Variants in CHCHD6 observed in about 807,000 individuals in gnomAD.
CHCHD6 encodes the protein MICOS complex subunit MIC25.
In CHCHD6, 28 loss-of-function variants were observed where a neutral mutation model predicts 32.3. The ratio of observed to expected loss-of-function variants is 0.87; its 90% CI spans 0.64 to 1.19. The LOEUF is 1.19. Ranked by LOEUF, CHCHD6 falls within the 50% of genes most tolerant of loss-of-function variation. The probability of loss-of-function intolerance (pLI) is 0.00; values close to 1 mark genes in which losing one functional copy is unlikely to be tolerated. For missense variants in CHCHD6, 333 were observed against 307.0 expected (o/e 1.08, Z -0.63); for synonymous variants, 122 against 117.5 (o/e 1.04, Z -0.25).
At chr3:126,761,442 C>T (rs1937159371) in intron 4 of CHCHD6, among the ~76,000 whole-genome samples, 1 of 152,164 alleles carries the variant, frequency 6.6e-6, no homozygotes. Flanking sequence ...CTAATTACAT[C>T]TGTAAAGAAT....
At chr3:126,731,431 G>T (rs1292598084) in intron 3 of CHCHD6, among the ~76,000 whole-genome samples, 1 of 152,214 alleles carries the variant, frequency 6.6e-6, no homozygotes, top group African/African-American at 2.4e-5. Context: ...TACTAGTTAT[G>T]TGAACTTGAA....
intron 5 of CHCHD6, among the ~76,000 whole-genome samples, chr3:126,858,633 G>A (rs1339941955): frequency 6.6e-6 from 1 of 152,206 alleles, no homozygotes; most frequent in African/African-American, 2.4e-5. Context: ...TCGTGTGACT[G>A]GAGGACAGAC....
At chr3:126,718,728 C>T (rs1935139405) in intron 1 of CHCHD6, among the ~76,000 whole-genome samples, 1 of 152,228 alleles carries the variant, frequency 6.6e-6, no homozygotes, top group Non-Finnish European at 1.5e-5. Context: ...GACCTCCTGG[C>T]CAGCTCTGAT....
At chr3:126,790,317 C>T (rs545305932) in intron 4 of CHCHD6, among the ~76,000 whole-genome samples, 3 of 152,132 alleles carry the variant, frequency 2.0e-5, no homozygotes, top group South Asian at 2.1e-4. Context: ...TTGCTCTTCT[C>T]GAGGAGTATC....
At position 126,933,671 on chromosome 3, in the gene CHCHD6, G is replaced by A. The variant is rs557832406; in HGVS notation, c.566+18921G>A. Among the ~76,000 whole-genome samples the A allele has an allele frequency of 3.3e-5, 5 of 152,128 alleles. No individual in the cohort carries two copies. The East Asian group carries it at 7.7e-4, about 24-fold the overall frequency. On this transcript the variant is annotated intron_variant, in intron 6 of 7. Transcript: ENST00000290913. ...CACCAAGCCATTCATGAGGGACCCC[G>A]ACCCCTATGACCCAGACACCTCCCA...
chr3:126,903,452 C>G (rs1156271172), intron 5 of CHCHD6, among the ~76,000 whole-genome samples: 1 of 152,132 alleles, frequency 6.6e-6, no homozygotes, highest in Non-Finnish European at 1.5e-5. Flanking sequence ...GCAATCCACA[C>G]CATCAAGACC....
chr3:126,937,764 G>C (rs899742877), intron 6 of CHCHD6, among the ~76,000 whole-genome samples: 2 of 152,190 alleles, frequency 1.3e-5, no homozygotes, highest in African/African-American at 4.8e-5. Context: ...GCTGACCACA[G>C]CAGGCATGTA....
intron 5 of CHCHD6, among the ~76,000 whole-genome samples, chr3:126,868,483 C>T (rs2077419203): frequency 6.6e-6 from 1 of 151,550 alleles, no homozygotes; most frequent in South Asian, 2.1e-4. Flanking sequence ...TCTTAAGTAA[C>T]ACATGTTCAT....
At chr3:126,865,020 CACT>C (rs1942217686) in intron 5 of CHCHD6, among the ~76,000 whole-genome samples, 3 of 146,022 alleles carry the variant, frequency 2.1e-5, no homozygotes, top group Admixed American at 6.8e-5. Flanking sequence ...CCACCACCAC[CACT>C]ACCTCTACTA....
chr3:126,814,650 G>A (rs1939799143), intron 4 of CHCHD6, among the ~76,000 whole-genome samples: 2 of 152,208 alleles, frequency 1.3e-5, no homozygotes, highest in South Asian at 2.1e-4. Context: ...TACGCCCAGG[G>A]AGGACACAGA....
intron 5 of CHCHD6, among the ~76,000 whole-genome samples, chr3:126,858,952 C>T (rs891833031): frequency 2.0e-5 from 3 of 152,192 alleles, no homozygotes; most frequent in African/African-American, 4.8e-5. Flanking sequence ...GTCTGTCCCC[C>T]GCTGAGGTTT....
chr3:126,833,562 A>G (rs1261530340), intron 4 of CHCHD6, among the ~76,000 whole-genome samples: 1 of 152,212 alleles, frequency 6.6e-6, no homozygotes, highest in East Asian at 1.9e-4. Context: ...GGGCTTCGCA[A>G]CTATGTAGAC....
rs150294008 is a variant in CHCHD6 at position 126,829,215 on chromosome 3, T to C, written c.412-23432T>C. On this transcript the variant is annotated intron_variant, in intron 4 of 7. Transcript: ENST00000290913. ...GCCAGAGATTAGGGCAGAGTTTCTA[T>C]GCAGGTTGTGGAACTCTCCTTTCTG... Among the ~76,000 whole-genome samples the C allele has an allele frequency of 4.3e-4, 66 of 152,262 alleles. 1 individual carries two copies. Among genetic ancestry groups the C allele is most frequent in the African/African-American group, 1.2e-3 (48 of 41,574 alleles).
At chr3:126,738,611 C>T (rs1252594720) in intron 4 of CHCHD6, among the ~76,000 whole-genome samples, 1 of 152,100 alleles carries the variant, frequency 6.6e-6, no homozygotes. Flanking sequence ...GATTAAATGG[C>T]AGATCTTGAG....
chr3:126,910,282 A>AAAAC (rs2078069971), intron 5 of CHCHD6, among the ~76,000 whole-genome samples: 1 of 151,494 alleles, frequency 6.6e-6, no homozygotes, highest in Non-Finnish European at 1.5e-5. Flanking sequence ...GGAAAAAAAA[A>AAAAC]AAAACAAAAA....
chr3:126,740,439 T>A (rs1936244746), intron 4 of CHCHD6, among the ~76,000 whole-genome samples: 1 of 152,204 alleles, frequency 6.6e-6, no homozygotes, highest in African/African-American at 2.4e-5. Context: ...TTCTCATAAC[T>A]GATACCAGAG....
chr3:126,867,435 A>G (rs753161426), intron 5 of CHCHD6, among the ~76,000 whole-genome samples: 8 of 152,214 alleles, frequency 5.3e-5, no homozygotes, highest in Non-Finnish European at 1.0e-4. Context: ...CTAAATAGGT[A>G]CTTACGGGTT....
intron 4 of CHCHD6, among the ~76,000 whole-genome samples, chr3:126,829,057 A>C (rs1250213814): frequency 1.3e-5 from 2 of 152,170 alleles, no homozygotes; most frequent in African/African-American, 4.8e-5. Context: ...AACCTTCTTA[A>C]AGTGAAACTA....
intron 5 of CHCHD6, among the ~76,000 whole-genome samples, chr3:126,900,598 C>A: frequency 8.6e-6 from 1 of 116,456 alleles, no homozygotes. Context: ...GGAGGTGTGA[C>A]ACACTTTTTT....
Sources: allele counts gnomAD v4.1 joint callset (sites outside exome capture counted in the v4.1 genomes callset), GRCh38; gene constraint gnomAD v4.1.1; transcripts MANE v1.5; gene names NCBI Gene and HGNC (gene_info 2026-07-23, HGNC 2026-07-21).